The following SGCZ variants were observed in gnomAD, a reference collection of about 807,000 sequenced individuals.
The protein encoded by SGCZ is zeta-sarcoglycan.
SGCZ carries 40 observed loss-of-function variants against 41.3 expected under a neutral mutation model. The ratio of observed to expected loss-of-function variants is 0.97; its 90% CI spans 0.75 to 1.26. The LOEUF (loss-of-function observed/expected upper bound fraction) is 1.26. Among genes scored for constraint, SGCZ ranks in the 50% most tolerant of loss-of-function variants. The pLI is 0.00. For missense variants in SGCZ, 552 were observed against 369.8 expected, an observed-to-expected ratio of 1.49 and a Z score of -4.04; for synonymous variants, 206 against 137.5, an observed-to-expected ratio of 1.50 and a Z score of -3.49.
At chr8:15,042,730 G>A (rs1804152347) in intron 1 of SGCZ, among the ~76,000 whole-genome samples, 1 of 152,034 alleles carries the variant, frequency 6.6e-6, no homozygotes, top group South Asian at 2.1e-4. Flanking sequence ...TATTTAAGAT[G>A]CTTTTCAGAA....
At chr8:15,183,410 A>G (rs1409330984) in intron 1 of SGCZ, among the ~76,000 whole-genome samples, 1 of 152,210 alleles carries the variant, frequency 6.6e-6, no homozygotes, top group African/African-American at 2.4e-5. Flanking sequence ...TTTCAGGTCC[A>G]TTATAAGTTT....
chr8:14,540,695 T>C (rs942786083), intron 2 of SGCZ, among the ~76,000 whole-genome samples: 1 of 151,944 alleles, frequency 6.6e-6, no homozygotes, highest in African/African-American at 2.4e-5. Context: ...TATTACATAA[T>C]TCCTTTGATT....
At chr8:14,538,549 A>C (rs983315147) in intron 2 of SGCZ, among the ~76,000 whole-genome samples, 2 of 151,960 alleles carry the variant, frequency 1.3e-5, no homozygotes, top group African/African-American at 4.8e-5. Context: ...TTGTTTGTGA[A>C]CCTAAATAGC....
At chr8:14,676,940 C>T (rs1415904210) in intron 1 of SGCZ, among the ~76,000 whole-genome samples, 1 of 151,892 alleles carries the variant, frequency 6.6e-6, no homozygotes, top group Non-Finnish European at 1.5e-5. Context: ...TCTTTTTCAA[C>T]ATCATACTGT....
intron 2 of SGCZ, chr8:14,332,625 T>A (rs889272333): frequency 6.6e-6 from 1 of 152,002 alleles, no homozygotes; most frequent in Non-Finnish European, 1.5e-5. Flanking sequence ...ATCCTTCTAC[T>A]CTTTTCCCCT....
At chr8:14,732,249 T>C (rs1283422861) in intron 1 of SGCZ, among the ~76,000 whole-genome samples, 2 of 152,164 alleles carry the variant, frequency 1.3e-5, no homozygotes, top group Non-Finnish European at 2.9e-5. Flanking sequence ...CATCCCTGCC[T>C]GCAGCTCTTA....
At chr8:14,167,404 T>C (rs73524148) in intron 4 of SGCZ, among the ~76,000 whole-genome samples, 3,344 of 152,236 alleles carry the variant, frequency 0.022, 145 homozygotes, top group African/African-American at 0.076. Flanking sequence ...CTCTGATTCC[T>C]TAACAAGTAG....
chr8:14,889,696 C>T (rs1445862682), intron 1 of SGCZ, among the ~76,000 whole-genome samples: 1 of 151,822 alleles, frequency 6.6e-6, no homozygotes, highest in East Asian at 1.9e-4. Context: ...AACATATTAA[C>T]ATATACTATT....
chr8:15,168,465 C>T (rs555293815), intron 1 of SGCZ, among the ~76,000 whole-genome samples: 1 of 152,284 alleles, frequency 6.6e-6, no homozygotes, highest in African/African-American at 2.4e-5. Flanking sequence ...TCTAGCTCCC[C>T]CCACAACCCA....
chr8:15,138,623 T>G (rs1214817719), intron 1 of SGCZ, among the ~76,000 whole-genome samples: 1 of 152,138 alleles, frequency 6.6e-6, no homozygotes, highest in African/African-American at 2.4e-5. Flanking sequence ...GGCATTTCCC[T>G]TGATTGCACT....
At chr8:14,121,696 C>G (rs1278558348) in intron 5 of SGCZ, among the ~76,000 whole-genome samples, 2 of 152,016 alleles carry the variant, frequency 1.3e-5, no homozygotes, top group African/African-American at 4.8e-5. Context: ...TATAGTTTCT[C>G]TAATAGAGTA....
At chr8:14,474,068 G>A (rs1284955027) in intron 2 of SGCZ, among the ~76,000 whole-genome samples, 1 of 151,976 alleles carries the variant, frequency 6.6e-6, no homozygotes, top group Non-Finnish European at 1.5e-5. Context: ...ATAGGGGAAA[G>A]AAGAAGTCTC....
intron 3 of SGCZ, among the ~76,000 whole-genome samples, chr8:14,251,961 C>A (rs754868280): frequency 6.6e-6 from 1 of 152,064 alleles, no homozygotes; most frequent in Non-Finnish European, 1.5e-5. Flanking sequence ...CCTCCCACCT[C>A]GACCTCCCAA....
In SGCZ at chr8:15,097,888, G is replaced by GTATATATATATACACGTGTATA. The variant is rs1563124124; in HGVS notation, c.39+139696_39+139697insTATACACGTGTATATATATATA. 1.8e-4 allele frequency among the ~76,000 whole-genome samples: 22 copies of GTATATATATATACACGTGTATA among 120,660 alleles called. 1 individual carries two copies. The highest frequency in any genetic ancestry group is 7.3e-4 in the African/African-American group (21 of 28,846). 79.2% of individuals were successfully genotyped at this position (120,660 alleles called of 152,430 possible). On this transcript the variant is annotated intron_variant, in intron 1 of 7. Coordinates refer to ENST00000382080, the MANE Select transcript of SGCZ (RefSeq NM_139167.4). Reference sequence around the variant, plus strand: ...TGTGTATATATATATATATACGTGTGTATATATATATATATATATATACGT... The same window carrying GTATATATATATACACGTGTATA: ...TGTGTATATATATATATATACGTGTGTATATATATATACACGTGTATATATATATATATATATATATATACGT...
chr8:14,539,707 G>A (rs546987834), intron 2 of SGCZ, among the ~76,000 whole-genome samples: 1 of 151,178 alleles, frequency 6.6e-6, no homozygotes, highest in African/African-American at 2.4e-5. Context: ...CATCCTCCAC[G>A]CTCTGAAGTC....
At chr8:14,408,209 C>T (rs142268339) in intron 2 of SGCZ, among the ~76,000 whole-genome samples, 154 of 152,220 alleles carry the variant, frequency 1.0e-3, no homozygotes, top group East Asian at 4.3e-3. Flanking sequence ...GAAATCATCA[C>T]GATATAGGGC....
intron 5 of SGCZ, among the ~76,000 whole-genome samples, chr8:14,113,834 T>C (rs977183192): frequency 1.3e-5 from 2 of 152,010 alleles, no homozygotes; most frequent in Non-Finnish European, 2.9e-5. Context: ...GCTTAGCAGT[T>C]GTGTGGATTT....
chr8:15,180,538 C>T (rs916021057), intron 1 of SGCZ, among the ~76,000 whole-genome samples: 4 of 151,506 alleles, frequency 2.6e-5, no homozygotes, highest in Admixed American at 2.0e-4. Context: ...TTCTAATCTA[C>T]ATATGAAGGG....
At chr8:15,042,264 T>G (rs1400804619) in intron 1 of SGCZ, among the ~76,000 whole-genome samples, 1 of 152,174 alleles carries the variant, frequency 6.6e-6, no homozygotes, top group Admixed American at 6.5e-5. Context: ...AGAAGAAAGC[T>G]AATGCCTAGC....
Sources: gnomAD v4.1 joint callset for allele counts (sites outside exome capture counted in the v4.1 genomes callset) on GRCh38, gnomAD v4.1.1 for gene constraint, MANE v1.5 for transcripts, NCBI Gene and HGNC (gene_info 2026-07-23, HGNC 2026-07-21) for gene names.